Variants in RAPGEF2 observed in about 807,000 individuals in gnomAD.
RAPGEF2 encodes PDZ domain containing guanine nucleotide exchange factor (GEF) 1.
In RAPGEF2, 54 loss-of-function variants were observed where a neutral mutation model predicts 186.7. The observed-to-expected ratio is 0.29, with a 90% CI of 0.23 to 0.36. The LOEUF is 0.36. Ranked by LOEUF, RAPGEF2 falls within the 10% of genes least tolerant of loss-of-function variation. The probability of loss-of-function intolerance (pLI) is 1.00; values close to 1 mark genes in which losing one functional copy is unlikely to be tolerated. For missense variants in RAPGEF2, 1,532 were observed against 2,045.0 expected (o/e 0.75, Z 4.84); for synonymous variants, 712 against 705.9 (o/e 1.01, Z -0.14).
intron 7 of RAPGEF2, among the ~76,000 whole-genome samples, chr4:159,253,028 TAGAC>T (rs762766491): frequency 2.7e-4 from 41 of 152,252 alleles, no homozygotes; most frequent in Non-Finnish European, 1.8e-4. Context: ...ATTGGTCTAA[TAGAC>T]AGTTGGGTTC....
At chr4:159,204,151 G>A (rs1233333042) in intron 3 of RAPGEF2, among the ~76,000 whole-genome samples, 3 of 152,232 alleles carry the variant, frequency 2.0e-5, no homozygotes, top group Non-Finnish European at 4.4e-5. Flanking sequence ...TGCCTTGAAA[G>A]GAAGTTCATT....
chr4:159,153,638 G>A (rs1468500515), intron 1 of RAPGEF2, among the ~76,000 whole-genome samples: 1 of 152,124 alleles, frequency 6.6e-6, no homozygotes, highest in South Asian at 2.1e-4. Context: ...ACTTTCTAAG[G>A]TCTAATACAG....
At chr4:159,327,429 C>CGAG (rs55638803) in intron 11 of RAPGEF2, 18,349 of 152,050 alleles carry the variant, frequency 0.12, 1,168 homozygotes, top group Admixed American at 0.2. Flanking sequence ...CTTGGGAGGC[C>CGAG]GAGGCAGGCG....
intron 7 of RAPGEF2, among the ~76,000 whole-genome samples, chr4:159,269,105 T>TA (rs1229847119): frequency 6.6e-6 from 1 of 152,210 alleles, no homozygotes; most frequent in Non-Finnish European, 1.5e-5. Context: ...GATAAGATGG[T>TA]AAACTTTAAA....
intron 8 of RAPGEF2, among the ~76,000 whole-genome samples, chr4:159,313,475 G>A (rs998967795): frequency 2.0e-5 from 3 of 152,092 alleles, no homozygotes; most frequent in Admixed American, 2.0e-4. Flanking sequence ...AATTAGAGCA[G>A]TACCTGACAC....
At chr4:159,260,297 T>A (rs1756664815) in intron 7 of RAPGEF2, among the ~76,000 whole-genome samples, 1 of 151,618 alleles carries the variant, frequency 6.6e-6, no homozygotes, top group African/African-American at 2.4e-5. Context: ...TTTTTTTTTT[T>A]AAAGTAAGGG....
chr4:159,210,166 T>C (rs977640753), intron 3 of RAPGEF2, among the ~76,000 whole-genome samples: 1 of 152,228 alleles, frequency 6.6e-6, no homozygotes, highest in Non-Finnish European at 1.5e-5. Flanking sequence ...TAAGTTTCAC[T>C]GATAGCTCTG....
At position 159,166,726 on chromosome 4, in the gene RAPGEF2, C is replaced by T. The variant is rs148518904; in HGVS notation, c.70-19916C>T. Among the ~76,000 whole-genome samples, 418 of 152,002 alleles carry T rather than the reference C, an allele frequency of 2.7e-3. 2 individuals carry two copies. Among genetic ancestry groups the T allele is most frequent in the African/African-American group, 9.5e-3 (395 of 41,438 alleles). ...TGTTTACTCAGGTATTTCATATATA[C>T]ATTAAAAAAACCGACAATAAAAATG... On this transcript the variant is annotated intron_variant, in intron 1 of 29. Coordinates refer to ENST00000691494, the MANE Select transcript of RAPGEF2 (RefSeq NM_001394067.2).
chr4:159,273,640 T>TCC (rs1758416127), intron 7 of RAPGEF2, among the ~76,000 whole-genome samples: 1 of 109,168 alleles, frequency 9.2e-6, no homozygotes, highest in African/African-American at 3.7e-5. Context: ...CTTTCTTTCT[T>TCC]TCTTTCTTTC....
At chr4:159,352,048 G>A (rs1731262447) in intron 26 of RAPGEF2, among the ~76,000 whole-genome samples, 1 of 152,166 alleles carries the variant, frequency 6.6e-6, no homozygotes, top group South Asian at 2.1e-4. Context: ...CCAAGAAGTG[G>A]ACATCTGTTT....
chr4:159,261,501 G>A (rs1380538866), intron 7 of RAPGEF2, among the ~76,000 whole-genome samples: 2 of 152,124 alleles, frequency 1.3e-5, no homozygotes, highest in Non-Finnish European at 2.9e-5. Context: ...CATGTTTCTA[G>A]GTCTCTTAAA....
intron 1 of RAPGEF2, among the ~76,000 whole-genome samples, chr4:159,184,740 A>T (rs1181586724): frequency 6.6e-6 from 1 of 152,092 alleles, no homozygotes; most frequent in Non-Finnish European, 1.5e-5. Context: ...GAAGCTCTTT[A>T]GTTTAATTAG....
intron 1 of RAPGEF2, among the ~76,000 whole-genome samples, chr4:159,181,641 A>G (rs908944830): frequency 7.5e-5 from 11 of 146,872 alleles, no homozygotes; most frequent in African/African-American, 2.8e-4. Context: ...GCAGTGGCAC[A>G]ATCTCAGCCT....
At chr4:159,277,773 G>A (rs932152006) in intron 7 of RAPGEF2, among the ~76,000 whole-genome samples, 3 of 152,126 alleles carry the variant, frequency 2.0e-5, no homozygotes, top group African/African-American at 7.2e-5. Context: ...TTATGGGGTT[G>A]TTTGATTTTT....
intron 17 of RAPGEF2, 169 bp downstream of exon 17, chr4:159,332,866 T>G (rs1220168598): frequency 4.2e-6 from 3 of 714,174 alleles, no homozygotes; most frequent in Non-Finnish European, 6.2e-6. Context: ...ATCTCGTTTT[T>G]GCCACTTATT....
At chr4:159,279,676 C>CT in intron 7 of RAPGEF2, among the ~76,000 whole-genome samples, 2 of 151,978 alleles carry the variant, frequency 1.3e-5, no homozygotes, top group East Asian at 3.9e-4. Context: ...TCCACATTTT[C>CT]TTTTCTTTTT....
At chr4:159,358,014 A>G in intron 29 of RAPGEF2, 100 bp from the exon 30 acceptor site, 3 of 1,191,354 alleles carry the variant, frequency 2.5e-6, no homozygotes, top group South Asian at 1.5e-5. Context: ...AAGAATAACT[A>G]TGATAGTTTT....
At chr4:159,321,024 T>C (rs1317431995) in intron 9 of RAPGEF2, among the ~76,000 whole-genome samples, 1 of 152,154 alleles carries the variant, frequency 6.6e-6, no homozygotes, top group Admixed American at 6.6e-5. Flanking sequence ...AAAGCAGATA[T>C]TGTATTTTTC....
At chr4:159,334,686 T>G (rs986182392) in intron 17 of RAPGEF2, among the ~76,000 whole-genome samples, 2 of 152,164 alleles carry the variant, frequency 1.3e-5, no homozygotes, top group African/African-American at 4.8e-5. Flanking sequence ...ATGTAAGAAC[T>G]GGGAGATAAT....
Sources: gnomAD v4.1 joint callset for allele counts (sites outside exome capture counted in the v4.1 genomes callset) on GRCh38, gnomAD v4.1.1 for gene constraint, MANE v1.5 for transcripts, NCBI Gene and HGNC (gene_info 2026-07-23, HGNC 2026-07-21) for gene names.